The following WWOX variants were observed in gnomAD, a reference collection of about 807,000 sequenced individuals.
WWOX encodes WW domain containing oxidoreductase.
In WWOX, 69 loss-of-function variants were observed where a neutral mutation model predicts 46.2. The observed-to-expected ratio is 1.49, with a 90% CI of 1.23 to 1.82. The LOEUF (loss-of-function observed/expected upper bound fraction) is 1.82, where lower values mean the gene tolerates loss of function less well. Among genes scored for constraint, WWOX ranks in the 40% most tolerant of loss-of-function variants. The probability of loss-of-function intolerance (pLI) is 0.00; values close to 1 mark genes in which losing one functional copy is unlikely to be tolerated. For synonymous variants in WWOX, 359 were observed against 202.6 expected (o/e 1.77, Z -6.56); for missense variants, 919 against 542.6 (o/e 1.69, Z -6.89).
chr16:78,597,857 G>T (rs980180186), intron 8 of WWOX, among the ~76,000 whole-genome samples: 18 of 150,606 alleles, frequency 1.2e-4, no homozygotes, highest in African/African-American at 3.2e-4. Flanking sequence ...GAAATTTCTA[G>T]TTGTGTTTAT....
At chr16:79,150,354 G>T (rs963711100) in intron 8 of WWOX, among the ~76,000 whole-genome samples, 5 of 152,168 alleles carry the variant, frequency 3.3e-5, no homozygotes, top group Non-Finnish European at 7.3e-5. Flanking sequence ...ATAAAGCCCT[G>T]TTAATAATTC....
chr16:78,418,258 G>T (rs2082843501), intron 6 of WWOX, among the ~76,000 whole-genome samples: 1 of 152,020 alleles, frequency 6.6e-6, no homozygotes, highest in Non-Finnish European at 1.5e-5. Context: ...CAGCTACTTG[G>T]GAGGCTGAGG....
intron 8 of WWOX, among the ~76,000 whole-genome samples, chr16:78,959,674 C>G (rs1187073061): frequency 3.9e-5 from 6 of 152,166 alleles, no homozygotes; most frequent in African/African-American, 1.4e-4. Flanking sequence ...GTCGGATAGA[C>G]TGCAGGCTCA....
chr16:78,173,486 A>C (rs2151745395), intron 5 of WWOX, among the ~76,000 whole-genome samples: 1 of 147,852 alleles, frequency 6.8e-6, no homozygotes, highest in Admixed American at 6.8e-5. Context: ...AATGTAGAGG[A>C]AGGGCTTCAC....
chr16:79,208,193 A>C (rs541172093), intron 8 of WWOX, among the ~76,000 whole-genome samples: 36 of 152,202 alleles, frequency 2.4e-4, no homozygotes, highest in Non-Finnish European at 3.7e-4. Context: ...CAGCTCACAA[A>C]TGTTTGACTA....
intron 5 of WWOX, among the ~76,000 whole-genome samples, chr16:78,179,316 A>G (rs1438590652): frequency 6.6e-6 from 1 of 152,218 alleles, no homozygotes; most frequent in Admixed American, 6.5e-5. Flanking sequence ...TTCTGGAAAG[A>G]GTTATGGATT....
intron 8 of WWOX, among the ~76,000 whole-genome samples, chr16:78,546,038 T>C (rs2044023181): frequency 6.6e-6 from 1 of 152,162 alleles, no homozygotes; most frequent in South Asian, 2.1e-4. Context: ...TGTAACATGC[T>C]CTATGCTGGG....
At chr16:78,974,784 G>T (rs552573332) in intron 8 of WWOX, among the ~76,000 whole-genome samples, 1 of 152,114 alleles carries the variant, frequency 6.6e-6, no homozygotes, top group Non-Finnish European at 1.5e-5. Flanking sequence ...CTTCAGAATG[G>T]GATGTTTAGG....
intron 8 of WWOX, among the ~76,000 whole-genome samples, chr16:78,624,712 A>G (rs1423917786): frequency 6.6e-5 from 10 of 152,322 alleles, no homozygotes; most frequent in African/African-American, 9.6e-5. Context: ...TTTCATGAAC[A>G]TAATATGTCT....
chr16:79,055,695 C>G lies in WWOX; in HGVS notation c.1057-155913C>G, dbSNP rs1009747010. Reference sequence around the variant, plus strand: ...GCAATGAATAACCAGAGCAAACACCCAAGGGCAATAAATTATGAATAGTGA... The same window carrying G: ...GCAATGAATAACCAGAGCAAACACCGAAGGGCAATAAATTATGAATAGTGA... On this transcript the variant is annotated intron_variant, in intron 8 of 8. Coordinates refer to ENST00000566780, the MANE Select transcript of WWOX (RefSeq NM_016373.4). 3.3e-5 allele frequency among the ~76,000 whole-genome samples: 5 copies of G among 152,320 alleles called. No individual in the cohort carries two copies. In the East Asian group the frequency reaches 9.7e-4, roughly 29 times the overall value.
At chr16:79,107,409 A>G (rs143568671) in intron 8 of WWOX, among the ~76,000 whole-genome samples, 16 of 152,252 alleles carry the variant, frequency 1.1e-4, no homozygotes, top group African/African-American at 3.6e-4. Context: ...TTTATTTGTT[A>G]TTTTTGTTCT....
intron 8 of WWOX, among the ~76,000 whole-genome samples, chr16:78,538,094 T>C (rs2043802962): frequency 6.6e-6 from 1 of 152,068 alleles, no homozygotes; most frequent in African/African-American, 2.4e-5. Context: ...GGGGTAATTA[T>C]TTTATTTGGA....
At chr16:78,995,437 G>A (rs867248911) in intron 8 of WWOX, among the ~76,000 whole-genome samples, 7 of 152,088 alleles carry the variant, frequency 4.6e-5, no homozygotes, top group South Asian at 2.1e-4. Context: ...GTCCTCAGCC[G>A]TAAGAAAGAA....
chr16:78,524,205 G>A (rs1422041217), intron 8 of WWOX, among the ~76,000 whole-genome samples: 1 of 152,074 alleles, frequency 6.6e-6, no homozygotes, highest in Non-Finnish European at 1.5e-5. Flanking sequence ...TATTGCAAAG[G>A]TACTGCTATT....
At chr16:78,879,297 C>T (rs188144196) in intron 8 of WWOX, among the ~76,000 whole-genome samples, 8 of 152,260 alleles carry the variant, frequency 5.3e-5, no homozygotes, top group Admixed American at 3.9e-4. Flanking sequence ...GTATGAGACA[C>T]CGTAAGAGCT....
chr16:79,091,407 C>T (rs898469554), intron 8 of WWOX, among the ~76,000 whole-genome samples: 2 of 152,194 alleles, frequency 1.3e-5, no homozygotes, highest in South Asian at 2.1e-4. Flanking sequence ...TGAAGGCTGC[C>T]AGGCAGTAGC....
At chr16:79,202,681 C>T (rs189124676) in intron 8 of WWOX, 1 of 152,078 alleles carries the variant, frequency 6.6e-6, no homozygotes, top group African/African-American at 2.4e-5. Flanking sequence ...GTTTTTTCCC[C>T]TCTGTTAACA....
intron 8 of WWOX, among the ~76,000 whole-genome samples, chr16:78,743,018 C>G (rs912628475): frequency 6.9e-6 from 1 of 145,406 alleles, no homozygotes; most frequent in Non-Finnish European, 1.5e-5. Context: ...CAGTCCCAAC[C>G]CTTACTGCAG....
chr16:78,784,061 A>G (rs1381856033), intron 8 of WWOX, among the ~76,000 whole-genome samples: 1 of 152,266 alleles, frequency 6.6e-6, no homozygotes, highest in Non-Finnish European at 1.5e-5. Context: ...ATATCAACAG[A>G]TACCATGTAC....
Sources: gnomAD v4.1 joint callset for allele counts (sites outside exome capture counted in the v4.1 genomes callset) on GRCh38, gnomAD v4.1.1 for gene constraint, MANE v1.5 for transcripts, NCBI Gene and HGNC (gene_info 2026-07-23, HGNC 2026-07-21) for gene names.